Variants in MAX observed in about 807,000 individuals in gnomAD.
MAX encodes the protein MYC associated transcriptional regulator X.
A neutral mutation model predicts 22.3 loss-of-function variants in MAX; 3 were observed. That is an observed-to-expected ratio of 0.13 (90% confidence interval 0.06 to 0.35). The LOEUF (loss-of-function observed/expected upper bound fraction) is 0.35, where lower values mean the gene tolerates loss of function less well. Ranked by LOEUF, MAX falls within the 10% of genes least tolerant of loss-of-function variation. The probability of loss-of-function intolerance (pLI) is 1.00; values close to 1 mark genes in which losing one functional copy is unlikely to be tolerated. For synonymous variants in MAX, 72 were observed against 77.7 expected (o/e 0.93, Z 0.39); for missense variants, 119 against 209.4 (o/e 0.57, Z 2.66).
intron 3 of MAX, among the ~76,000 whole-genome samples, chr14:65,033,354 G>A (rs558550360): frequency 3.3e-5 from 5 of 152,268 alleles, no homozygotes; most frequent in East Asian, 1.9e-4. Flanking sequence ...ACATGTATAC[G>A]AAAGATAAAC....
At position 65,068,275 on chromosome 14, in the gene MAX, A is replaced by G. The variant is rs1197823972; in HGVS notation, c.171+25433T>C. 2.0e-5 allele frequency among the ~76,000 whole-genome samples: 3 copies of G among 152,032 alleles called. No homozygotes were observed. In the East Asian group the frequency reaches 5.9e-4, roughly 30 times the overall value. ...CATGATGAAACCCCATAGCAACTAAAAACACAAAAATTAGCCTGGTGTGGT... is the reference window on the plus strand; with the variant it reads ...CATGATGAAACCCCATAGCAACTAAGAACACAAAAATTAGCCTGGTGTGGT... On this transcript the variant is annotated intron_variant, in intron 3 of 3. Coordinates refer to the MAX transcript ENST00000341653.
At chr14:65,070,243 G>C (rs2062971398), downstream of MAX, among the ~76,000 whole-genome samples, 1 of 152,202 alleles carries the variant, frequency 6.6e-6, no homozygotes, top group Non-Finnish European at 1.5e-5. This position sits in a 1 kb window ranked among gnomAD's most constrained non-coding sequence, Gnocchi z 4.4. Context: ...AGGCTGTCAG[G>C]CTTGTTTTTC....
downstream of MAX, among the ~76,000 whole-genome samples, chr14:65,073,150 T>G (rs1199450308): frequency 2.0e-5 from 3 of 152,210 alleles, no homozygotes; most frequent in Admixed American, 1.3e-4. Context: ...GCTAGTGCTA[T>G]TATTATCCTC....
At chr14:65,086,739 G>A (rs1177456105) in intron 3 of MAX, among the ~76,000 whole-genome samples, 1 of 152,224 alleles carries the variant, frequency 6.6e-6, no homozygotes. Context: ...CTGACAATGT[G>A]ATAGAAAAGA....
chr14:65,097,719 A>G (rs557146033), intron 2 of MAX, among the ~76,000 whole-genome samples: 1 of 152,334 alleles, frequency 6.6e-6, no homozygotes, highest in African/African-American at 2.4e-5. Flanking sequence ...GAAAAGATCT[A>G]TTTCTTACTT....
chr14:65,033,515 C>T (rs1595062596), intron 3 of MAX, among the ~76,000 whole-genome samples: 1 of 152,126 alleles, frequency 6.6e-6, no homozygotes, highest in Non-Finnish European at 1.5e-5. Flanking sequence ...CGTGTATGTT[C>T]TATATTTTGT....
chr14:65,059,837 C>CTT (rs34459085), intron 3 of MAX, among the ~76,000 whole-genome samples: 15,001 of 134,134 alleles, frequency 0.11, 1,215 homozygotes, highest in African/African-American at 0.21. Flanking sequence ...GTCCTTTTTT[C>CTT]TTTTTTTTTT....
chr14:65,044,260 G>A lies in MAX; in HGVS notation c.172-37976C>T, dbSNP rs1022488147. 1 of 1,606,986 alleles carries A rather than the reference G, an allele frequency of 6.2e-7. No individual in the cohort carries two copies. Among genetic ancestry groups the A allele is most frequent in the Non-Finnish European group, 8.5e-7 (1 of 1,177,142 alleles). ...GACTCCTGGAGATTCTGTCGGGCTG[G>A]ATTTTGTCTCTTTTAGCCTACAACT... is the stretch of plus-strand genomic sequence containing the variant. On this transcript the variant is annotated intron_variant, in intron 3 of 3. Coordinates refer to the MAX transcript ENST00000341653. The surrounding 1 kb of genome is among the most constrained non-coding windows in gnomAD (Gnocchi z 5.5).
At chr14:65,056,054 G>A (rs2062729305) in intron 3 of MAX, among the ~76,000 whole-genome samples, 1 of 152,066 alleles carries the variant, frequency 6.6e-6, no homozygotes, top group Non-Finnish European at 1.5e-5. Context: ...GCCTGTGGAT[G>A]TTTTTGTGCT....
downstream of MAX, among the ~76,000 whole-genome samples, chr14:65,072,072 G>T (rs1004640492): frequency 2.6e-5 from 4 of 152,094 alleles, no homozygotes; most frequent in African/African-American, 9.6e-5. Flanking sequence ...TTCCTACCTG[G>T]GTTTCCTCTT....
At chr14:65,037,432 T>TTTTTTTTTTTTTG (rs2062224812) in intron 3 of MAX, among the ~76,000 whole-genome samples, 1 of 119,506 alleles carries the variant, frequency 8.4e-6, no homozygotes, top group Admixed American at 9.4e-5. Flanking sequence ...TTTTTTTTTT[T>TTTTTTTTTTTTTG]TTTTTTTTTT....
intron 3 of MAX, among the ~76,000 whole-genome samples, chr14:65,046,501 C>T (rs1372119310): frequency 6.6e-6 from 1 of 152,176 alleles, no homozygotes; most frequent in African/African-American, 2.4e-5. Context: ...TCTTGTAGCA[C>T]ATGTTCTAGG....
chr14:65,069,430 C>T lies in MAX; in HGVS notation c.171+24278G>A, dbSNP rs772484845. 3.3e-5 allele frequency among the ~76,000 whole-genome samples: 5 copies of T among 152,200 alleles called. No homozygotes were observed. The highest frequency in any genetic ancestry group is 7.3e-5 in the Non-Finnish European group (5 of 68,042). ...CCTGAACTCCTCTGGCATTCAGAGC[C>T]CAGACGTGCATTTGTGCTAAATGCC... On this transcript the variant is annotated intron_variant, in intron 3 of 3. Coordinates refer to the MAX transcript ENST00000341653. This position sits in a 1 kb window ranked among gnomAD's most constrained non-coding sequence, Gnocchi z 4.6.
rs994216828 is a variant in MAX at position 65,023,719 on chromosome 14, C to T, written c.172-17435G>A. On this transcript the variant is annotated intron_variant, in intron 3 of 3. Transcript: ENST00000341653. The surrounding 1 kb of genome is among the most constrained non-coding windows in gnomAD (Gnocchi z 4.1). ...ATTGCCTCATGTGGCTAGTGGCTGC[C>T]TATTGGACAGCACAGATGTATCTCA... is the stretch of plus-strand genomic sequence containing the variant. 4.6e-5 allele frequency among the ~76,000 whole-genome samples: 7 copies of T among 152,094 alleles called. No homozygotes were observed. Among genetic ancestry groups the T allele is most frequent in the African/African-American group, 1.7e-4 (7 of 41,404 alleles).
intron 3 of MAX, among the ~76,000 whole-genome samples, chr14:65,010,982 A>G (rs2061674596): frequency 6.6e-6 from 1 of 152,046 alleles, no homozygotes; most frequent in Non-Finnish European, 1.5e-5. Context: ...CCTTTTTCAC[A>G]CAAACTTTCC....
At chr14:65,070,159 C>A (rs966573851), downstream of MAX, among the ~76,000 whole-genome samples, 5 of 152,178 alleles carry the variant, frequency 3.3e-5, no homozygotes, top group East Asian at 9.6e-4. This position sits in a 1 kb window ranked among gnomAD's most constrained non-coding sequence, Gnocchi z 4.4. Context: ...CTTTGCATGG[C>A]TCATTCCATA....
At chr14:65,063,228 G>A (rs944371808) in intron 3 of MAX, among the ~76,000 whole-genome samples, 6 of 152,122 alleles carry the variant, frequency 3.9e-5, no homozygotes, top group Admixed American at 3.3e-4. Flanking sequence ...TGCTATTTTT[G>A]CCCTGTTAAC....
Position 65,054,543 on chromosome 14 carries a change from G to A in MAX, c.171+39165C>T. ...ATTTGTAGATGTGTGCGGAGCAGAG[G>A]AGCGCCTGCTCAGAGCTGCCTGTCC... On this transcript the variant is annotated intron_variant, in intron 3 of 3. Transcript: ENST00000341653. The surrounding 1 kb of genome is among the most constrained non-coding windows in gnomAD (Gnocchi z 4.4). The A allele has an allele frequency of 6.3e-7, 1 of 1,599,446 alleles. No homozygotes were observed. The highest frequency in any genetic ancestry group is 8.5e-7 in the Non-Finnish European group (1 of 1,172,452).
chr14:65,086,546 G>T (rs961405689), intron 3 of MAX, among the ~76,000 whole-genome samples: 2 of 152,224 alleles, frequency 1.3e-5, no homozygotes, highest in African/African-American at 4.8e-5. Flanking sequence ...TCAGCAAAGA[G>T]ATTGGCAGCA....
Sources: gnomAD v4.1 joint callset for allele counts (sites outside exome capture counted in the v4.1 genomes callset) on GRCh38, gnomAD v4.1.1 for gene constraint, Gnocchi (gnomAD v3.1) non-coding constraint, MANE v1.5 for transcripts, NCBI Gene and HGNC (gene_info 2026-07-23, HGNC 2026-07-21) for gene names.